The following TRPM6 variants were observed in gnomAD, a reference collection of about 807,000 sequenced individuals.
TRPM6 encodes the protein transient receptor potential cation channel subfamily M member 6.
In TRPM6, 111 loss-of-function variants were observed where a neutral mutation model predicts 247.6. That is an observed-to-expected ratio of 0.45 (90% CI 0.38 to 0.52). TRPM6 has a LOEUF of 0.52. TRPM6 is among the 20% of genes least tolerant of loss of function. The pLI is 0.00. For missense variants in TRPM6, 2,126 were observed against 2,421.5 expected, an observed-to-expected ratio of 0.88 and a Z score of 2.56; for synonymous variants, 892 against 853.8, an observed-to-expected ratio of 1.04 and a Z score of -0.78.
chr9:74,839,878 G>GAAGA, intron 5 of TRPM6, 146 bp downstream of exon 5: 2 of 552,416 alleles, frequency 3.6e-6, no homozygotes, highest in Non-Finnish European at 6.2e-6. Flanking sequence ...AGGAAGGAAG[G>GAAGA]AAGGAAGGAA....
Position 74,762,576 on chromosome 9 carries a change from G to T in TRPM6, c.4095C>A (p.Ser1365=). 1 of 1,614,140 alleles carries T rather than the reference G, an allele frequency of 6.2e-7. No homozygotes were observed. ...PFSAETVLPL[S]RPSVPDVLAT... is the part of the protein sequence containing the mutation. ...CCAGCACATCTGGCACAGAGGGTCT[G>T]GACAGAGGCAAGACAGTTTCTGCTG... The change falls in exon 26 of 39, where the codon TCC becomes TCA. Residue 1365 remains serine (S), a synonymous_variant. Transcript: ENST00000360774.
chr9:74,800,325 T>A lies in TRPM6; in HGVS notation c.2167A>T (p.Thr723Ser). The A allele has an allele frequency of 6.2e-7, 1 of 1,614,132 alleles. No individual in the cohort carries two copies. The highest frequency in any genetic ancestry group is 8.5e-7 in the Non-Finnish European group (1 of 1,180,026). Residue 723 changes from threonine (T) to serine (S), a missense_variant, in exon 17 of 39, where the codon ACT becomes TCT. Coordinates refer to ENST00000360774, the MANE Select transcript of TRPM6 (RefSeq NM_017662.5). ...SGGLRPFVSH[T>S]CTQMLLTDMW... ...TCTGTCAGTAGCATCTGGGTACAAG[T>A]ATGTGAAACAAAGGGTCGTAATCCT... is the stretch of plus-strand genomic sequence containing the variant.
intron 1 of TRPM6, among the ~76,000 whole-genome samples, chr9:74,877,161 C>G (rs10735636): frequency 0.99 from 150,297 of 152,326 alleles, 74,171 homozygotes; most frequent in African/African-American, 1. Context: ...AATTCTGGCA[C>G]TTCCTCAAAA....
chr9:74,791,502 T>G (rs1237337129), intron 19 of TRPM6, among the ~76,000 whole-genome samples: 1 of 151,936 alleles, frequency 6.6e-6, no homozygotes, highest in Non-Finnish European at 1.5e-5. Context: ...AAAAAAATAT[T>G]TAAAAAAAAA....
At chr9:74,851,290 A>T (rs1830303816) in intron 3 of TRPM6, among the ~76,000 whole-genome samples, 1 of 152,252 alleles carries the variant, frequency 6.6e-6, no homozygotes, top group Non-Finnish European at 1.5e-5. Flanking sequence ...GGTTAAAAAA[A>T]ATGTCAATTC....
At chr9:74,856,979 T>G (rs578100107) in intron 2 of TRPM6, among the ~76,000 whole-genome samples, 2 of 152,364 alleles carry the variant, frequency 1.3e-5, no homozygotes, top group Non-Finnish European at 2.9e-5. Flanking sequence ...CAATCGTTGA[T>G]ACTCTTCTTG....
chr9:74,751,647 T>C (rs886865607), intron 29 of TRPM6, among the ~76,000 whole-genome samples: 2 of 152,222 alleles, frequency 1.3e-5, no homozygotes, highest in African/African-American at 4.8e-5. Context: ...ACAAGGCCCA[T>C]ATTTTTAGAC....
intron 25 of TRPM6, 106 bp downstream of exon 25, chr9:74,771,594 AAAG>A (rs1564006507): frequency 9.5e-7 from 1 of 1,057,566 alleles, no homozygotes; most frequent in African/African-American, 1.6e-5. Flanking sequence ...TTCAAATTAT[AAAG>A]AACTCAAACC....
chr9:74,820,195 T>C (rs1331602825), intron 9 of TRPM6, 109 bp downstream of exon 9: 12 of 1,280,736 alleles, frequency 9.4e-6, no homozygotes, highest in African/African-American at 1.5e-5. Flanking sequence ...TGTATGTTGT[T>C]CCCCTTCCTG....
intron 9 of TRPM6, among the ~76,000 whole-genome samples, chr9:74,818,115 C>A (rs550291405): frequency 6.6e-6 from 1 of 152,052 alleles, no homozygotes; most frequent in Non-Finnish European, 1.5e-5. Flanking sequence ...TTCTCTTGAC[C>A]CTCTTGGTCA....
At chr9:74,793,377 T>C (rs1827974517) in intron 18 of TRPM6, among the ~76,000 whole-genome samples, 5 of 152,062 alleles carry the variant, frequency 3.3e-5, no homozygotes, top group Admixed American at 3.3e-4. Context: ...GATGAAGTCT[T>C]GCTCTTGTCG....
chr9:74,801,753 C>A, intron 16 of TRPM6, 145 bp downstream of exon 16: 1 of 1,011,800 alleles, frequency 9.9e-7, no homozygotes. Context: ...CTTAGAATAC[C>A]TGAAGACCCT....
chr9:74,848,842 A>ACTGT (rs1280449033), intron 3 of TRPM6, among the ~76,000 whole-genome samples: 2 of 152,226 alleles, frequency 1.3e-5, no homozygotes, highest in African/African-American at 4.8e-5. Context: ...ATCTGATGAC[A>ACTGT]AATACATACA....
chr9:74,851,018 T>C lies in TRPM6; in HGVS notation c.152+4509A>G, dbSNP rs146240805. Reference sequence around the variant, plus strand: ...GGAGAGATAACTCATTATGCTTTTATAAGGCAGTTCTTTAGTGCAAACCAA... The same window carrying C: ...GGAGAGATAACTCATTATGCTTTTACAAGGCAGTTCTTTAGTGCAAACCAA... On this transcript the variant is annotated intron_variant, in intron 3 of 38. Transcript: ENST00000360774. Among the ~76,000 whole-genome samples the C allele has an allele frequency of 3.3e-4, 50 of 152,366 alleles. 1 individual carries two copies. The East Asian group carries it at 9.3e-3, about 28-fold the overall frequency.
At chr9:74,862,096 GAAAAAA>G (rs577562437) in intron 1 of TRPM6, among the ~76,000 whole-genome samples, 1 of 100,544 alleles carries the variant, frequency 9.9e-6, no homozygotes, top group Non-Finnish European at 1.9e-5. Context: ...AAAACTACCA[GAAAAAA>G]AAAAAAAAAA....
intron 27 of TRPM6, among the ~76,000 whole-genome samples, chr9:74,760,831 C>T (rs781580280): frequency 2.0e-5 from 3 of 152,114 alleles, no homozygotes; most frequent in Non-Finnish European, 2.9e-5. Context: ...TACATTAATT[C>T]GTTCATGAGT....
chr9:74,779,374 A>G (rs1402518919), intron 23 of TRPM6, among the ~76,000 whole-genome samples: 1 of 152,240 alleles, frequency 6.6e-6, no homozygotes, highest in East Asian at 1.9e-4. Context: ...CCAAGTTCCT[A>G]AAATGGTTGG....
At chr9:74,789,592 A>G (rs571769046) in intron 19 of TRPM6, among the ~76,000 whole-genome samples, 43 of 152,334 alleles carry the variant, frequency 2.8e-4, no homozygotes, top group Admixed American at 2.4e-3. Flanking sequence ...ATTATCAACA[A>G]TGTATGAGAC....
intron 1 of TRPM6, among the ~76,000 whole-genome samples, chr9:74,860,112 A>G (rs1227754164): frequency 6.6e-6 from 1 of 152,222 alleles, no homozygotes; most frequent in Non-Finnish European, 1.5e-5. Flanking sequence ...AATAGAAAGG[A>G]GAAAAACAGA....
Sources: gnomAD v4.1 joint callset for allele counts (sites outside exome capture counted in the v4.1 genomes callset) on GRCh38, gnomAD v4.1.1 for gene constraint, MANE v1.5 for transcripts, NCBI Gene and HGNC (gene_info 2026-07-23, HGNC 2026-07-21) for gene names.